FOXP2: variants seen among roughly 807,000 people sequenced by gnomAD.
FOXP2 encodes the protein forkhead box P2.
FOXP2 carries 12 observed loss-of-function variants against 115.8 expected under a neutral mutation model. That is an observed-to-expected ratio of 0.10 (90% confidence interval 0.07 to 0.17). The LOEUF (loss-of-function observed/expected upper bound fraction) is 0.17. Ranked by LOEUF, FOXP2 falls within the 10% of genes least tolerant of loss-of-function variation. The pLI, the probability that FOXP2 is intolerant of heterozygous loss-of-function variation, is 1.00. For missense variants in FOXP2, 629 were observed against 843.5 expected (o/e 0.75, Z 3.15); for synonymous variants, 328 against 297.7 (o/e 1.10, Z -1.05).
chr7:114,234,721 C>T (rs558291964), intron 1 of FOXP2, among the ~76,000 whole-genome samples: 75 of 152,310 alleles, frequency 4.9e-4, no homozygotes, highest in African/African-American at 1.7e-3. Context: ...GCCCTTTATT[C>T]GTTCTACTCT....
rs1357673226 is a variant in FOXP2 at position 114,691,578 on chromosome 7, C to T, written c.*1652C>T. 2.2e-6 allele frequency: 1 copy of T among 453,826 alleles called. No individual in the cohort carries two copies. The highest frequency in any genetic ancestry group is 2.0e-5 in the African/African-American group (1 of 49,972). 28.1% of individuals were successfully genotyped at this position (453,826 alleles called of 1,614,324 possible). A position where few individuals can be genotyped will look rare whatever the true frequency, so the allele number is the denominator to read the frequency against. On this transcript the variant is annotated 3_prime_UTR_variant, in exon 17 of 17. Coordinates refer to ENST00000350908, the MANE Select transcript of FOXP2 (RefSeq NM_014491.4). The stretch of plus-strand genomic sequence containing the variant: ...TGAGTTATGATGTAGTTGAAAATAG[C>T]ATAGTCAGATGTTTGCTTAAAACCT...
chr7:114,571,140 A>T (rs1220738857), intron 3 of FOXP2, among the ~76,000 whole-genome samples: 3 of 151,938 alleles, frequency 2.0e-5, no homozygotes, highest in Non-Finnish European at 4.4e-5. Flanking sequence ...AAAGGCTTTA[A>T]CACCACTATA....
At chr7:114,187,411 C>T (rs1243908972) in intron 1 of FOXP2, among the ~76,000 whole-genome samples, 3 of 152,142 alleles carry the variant, frequency 2.0e-5, no homozygotes, top group Admixed American at 1.3e-4. Flanking sequence ...TTTGTTGCTA[C>T]TTTATAACAA....
Position 114,273,045 on chromosome 7 carries a change from T to C in FOXP2, c.-101-14974T>C, listed in dbSNP as rs148372021. ...GAGCAAACATAGGTCATGGATTTCA[T>C]ATCTTTTTTTCTTTTCTAATATTGC... is the stretch of plus-strand genomic sequence containing the variant. On this transcript the variant is annotated intron_variant, in intron 1 of 17. Coordinates refer to the FOXP2 transcript ENST00000634411. Among the ~76,000 whole-genome samples, 399 of 152,094 alleles carry C rather than the reference T, an allele frequency of 2.6e-3. 3 individuals are homozygous for C. Among genetic ancestry groups the C allele is most frequent in the African/African-American group, 9.2e-3 (384 of 41,550 alleles).
intron 2 of FOXP2, among the ~76,000 whole-genome samples, chr7:114,485,762 G>A (rs912120658): frequency 2.0e-5 from 3 of 152,080 alleles, no homozygotes; most frequent in East Asian, 1.9e-4. Context: ...TTTGAGATGA[G>A]TACTGTTCAC....
chr7:114,503,995 A>G (rs1584818475), intron 2 of FOXP2, among the ~76,000 whole-genome samples: 1 of 151,718 alleles, frequency 6.6e-6, no homozygotes, highest in Non-Finnish European at 1.5e-5. Context: ...ACTTAATACA[A>G]CTTATGGAAG....
At chr7:114,192,934 A>G (rs1398863946) in intron 1 of FOXP2, among the ~76,000 whole-genome samples, 2 of 152,136 alleles carry the variant, frequency 1.3e-5, no homozygotes, top group Admixed American at 1.3e-4. Context: ...TATTTGCTTT[A>G]TATTTCATTT....
intron 1 of FOXP2, among the ~76,000 whole-genome samples, chr7:114,258,790 T>G (rs1795680183): frequency 6.6e-6 from 1 of 152,196 alleles, no homozygotes; most frequent in Non-Finnish European, 1.5e-5. Flanking sequence ...GTAGACAAGA[T>G]GAAGAATGTC....
intron 2 of FOXP2, chr7:114,297,037 T>C (rs1470478837): frequency 3.1e-6 from 1 of 324,238 alleles, no homozygotes; most frequent in Admixed American, 4.2e-5. Flanking sequence ...TACTTTTTAG[T>C]TATATCCACT....
chr7:114,415,806 C>T (rs963342426), intron 1 of FOXP2, among the ~76,000 whole-genome samples: 7 of 151,820 alleles, frequency 4.6e-5, no homozygotes, highest in Non-Finnish European at 8.8e-5. Context: ...CTGTGTAGAG[C>T]AGATGTTTAT....
At chr7:114,374,481 A>G (rs1792092696) in intron 2 of FOXP2, among the ~76,000 whole-genome samples, 1 of 152,178 alleles carries the variant, frequency 6.6e-6, no homozygotes, top group Admixed American at 6.5e-5. Flanking sequence ...AATGTGCAAA[A>G]TGGTCAACTA....
intron 3 of FOXP2, among the ~76,000 whole-genome samples, chr7:114,581,920 A>C (rs1438882050): frequency 6.6e-6 from 1 of 152,218 alleles, no homozygotes; most frequent in African/African-American, 2.4e-5. Flanking sequence ...TTTCAATAGA[A>C]TATACCATAG....
chr7:114,272,791 C>T (rs1796098711), intron 1 of FOXP2, among the ~76,000 whole-genome samples: 1 of 151,820 alleles, frequency 6.6e-6, no homozygotes, highest in South Asian at 2.1e-4. Flanking sequence ...TTTCTCTCCT[C>T]TGTAGTGATT....
intron 2 of FOXP2, among the ~76,000 whole-genome samples, chr7:114,468,279 C>A (rs1453201563): frequency 1.3e-5 from 2 of 152,170 alleles, no homozygotes; most frequent in East Asian, 3.9e-4. Context: ...TTGCCCGTAT[C>A]TATTCAATCC....
chr7:114,216,810 T>A (rs1294723154), intron 1 of FOXP2, among the ~76,000 whole-genome samples: 1 of 152,138 alleles, frequency 6.6e-6, no homozygotes, highest in Non-Finnish European at 1.5e-5. Flanking sequence ...TCAAACAAGA[T>A]GAAACAAAAG....
At chr7:114,497,310 G>T (rs1407735020) in intron 2 of FOXP2, among the ~76,000 whole-genome samples, 4 of 152,018 alleles carry the variant, frequency 2.6e-5, no homozygotes, top group Non-Finnish European at 5.9e-5. Flanking sequence ...AAATTTTGGG[G>T]TCGAATACAT....
intron 2 of FOXP2, among the ~76,000 whole-genome samples, chr7:114,363,767 C>G (rs1281351902): frequency 6.6e-6 from 1 of 151,956 alleles, no homozygotes; most frequent in Non-Finnish European, 1.5e-5. Flanking sequence ...TCCCTGGATT[C>G]AGACGTTGCC....
chr7:114,131,470 G>A (rs897844895), intron 1 of FOXP2, among the ~76,000 whole-genome samples: 4 of 151,906 alleles, frequency 2.6e-5, no homozygotes, highest in Non-Finnish European at 4.4e-5. Context: ...AAAGGTTACC[G>A]GGACAATGTT....
At chr7:114,429,420 C>T (rs1794009095) in intron 2 of FOXP2, among the ~76,000 whole-genome samples, 2 of 151,436 alleles carry the variant, frequency 1.3e-5, no homozygotes, top group Non-Finnish European at 3.0e-5. Flanking sequence ...ATTTCTCTCT[C>T]CTTCATTCCT....
Sources: allele counts gnomAD v4.1 joint callset (sites outside exome capture counted in the v4.1 genomes callset), GRCh38; gene constraint gnomAD v4.1.1; transcripts MANE v1.5; gene names NCBI Gene and HGNC (gene_info 2026-07-23, HGNC 2026-07-21).